VPS35L: variants seen among roughly 807,000 people sequenced by gnomAD.
The protein encoded by VPS35L is VPS35 endosomal protein-sorting factor-like.
A neutral mutation model predicts 133.0 loss-of-function variants in VPS35L; 83 were observed. The ratio of observed to expected loss-of-function variants is 0.62; its 90% CI spans 0.52 to 0.75. The LOEUF (loss-of-function observed/expected upper bound fraction) is 0.75. VPS35L is among the 30% of genes least tolerant of loss of function. VPS35L has a pLI of 0.00. For missense variants in VPS35L, 1,083 were observed against 1,206.8 expected (o/e 0.90, Z 1.52); for synonymous variants, 423 against 449.9 (o/e 0.94, Z 0.76).
chr16:19,679,795 G>A (rs1246318009), intron 27 of VPS35L, among the ~76,000 whole-genome samples: 5 of 152,190 alleles, frequency 3.3e-5, no homozygotes, highest in South Asian at 2.1e-4. Context: ...GTGAGCCACC[G>A]CTATCTAGCC....
intron 27 of VPS35L, among the ~76,000 whole-genome samples, chr16:19,678,524 C>G (rs1975141934): frequency 6.6e-6 from 1 of 151,014 alleles, no homozygotes; most frequent in South Asian, 2.1e-4. Flanking sequence ...GTTGCCCAGG[C>G]TGGAGCGCAG....
At chr16:19,641,964 CT>C (rs1973802093) in intron 21 of VPS35L, among the ~76,000 whole-genome samples, 1 of 152,210 alleles carries the variant, frequency 6.6e-6, no homozygotes, top group African/African-American at 2.4e-5. Flanking sequence ...AATCCCAATA[CT>C]TTGGGAGGCT....
intron 29 of VPS35L, among the ~76,000 whole-genome samples, chr16:19,692,774 G>A (rs905019181): frequency 3.3e-5 from 5 of 152,122 alleles, no homozygotes; most frequent in Admixed American, 2.6e-4. Flanking sequence ...TATTAGCCAG[G>A]CTGGTCTCGA....
chr16:19,592,337 C>G (rs1019626808), intron 8 of VPS35L, among the ~76,000 whole-genome samples: 5 of 151,864 alleles, frequency 3.3e-5, no homozygotes, highest in African/African-American at 1.2e-4. Context: ...GCCTTAGCCT[C>G]CCAAAGTGCT....
intron 8 of VPS35L, among the ~76,000 whole-genome samples, chr16:19,598,328 T>C (rs535384043): frequency 6.6e-6 from 1 of 152,364 alleles, no homozygotes; most frequent in South Asian, 2.1e-4. Flanking sequence ...GTTACCACTG[T>C]TATTATTTAT....
intron 3 of VPS35L, among the ~76,000 whole-genome samples, chr16:19,569,889 G>A (rs1400351731): frequency 6.6e-6 from 1 of 151,984 alleles, no homozygotes; most frequent in Non-Finnish European, 1.5e-5. Context: ...GGGTGGTCTT[G>A]TACTCCAAGC....
chr16:19,565,007 A>C (rs1445244239), intron 2 of VPS35L, 57 bp downstream of exon 2: 4 of 1,354,368 alleles, frequency 3.0e-6, no homozygotes, highest in Non-Finnish European at 4.2e-6. Flanking sequence ...AATGAAAGAC[A>C]ATCTTCCTGA....
intron 26 of VPS35L, among the ~76,000 whole-genome samples, chr16:19,666,349 T>C (rs1974663417): frequency 6.6e-6 from 1 of 152,196 alleles, no homozygotes; most frequent in South Asian, 2.1e-4. Context: ...TCTTAATAGC[T>C]ACAAAACAAA....
intron 8 of VPS35L, among the ~76,000 whole-genome samples, chr16:19,595,622 G>T (rs1208057237): frequency 6.6e-6 from 1 of 152,130 alleles, no homozygotes; most frequent in Non-Finnish European, 1.5e-5. Context: ...GCTCTATCCT[G>T]CAAGCCTGGC....
Position 19,564,951 on chromosome 16 carries a change from G to A in VPS35L, c.117+1G>A. On this transcript the variant is annotated splice_donor_variant, in intron 2 of 30. Transcript: ENST00000417362. LOFTEE classifies it high-confidence loss of function. ...CTATCACCCTCTGAAACCCATAACT[G>A]TAAGTTTTGTTAAGGGTCTTTCTGA... is the stretch of plus-strand genomic sequence containing the variant. 1 of 1,588,216 alleles carries A rather than the reference G, an allele frequency of 6.3e-7. No individual in the cohort carries two copies. Among genetic ancestry groups the A allele is most frequent in the Non-Finnish European group, 8.6e-7 (1 of 1,157,188 alleles).
At chr16:19,630,314 C>T (rs1410111456) in intron 18 of VPS35L, among the ~76,000 whole-genome samples, 1 of 147,274 alleles carries the variant, frequency 6.8e-6, no homozygotes, top group East Asian at 2.0e-4. Context: ...TTATTTTAAT[C>T]AAGTCCTAAA....
rs780156594 is a variant in VPS35L at position 19,699,495 on chromosome 16, G to C, written c.2647-7G>C. ...TGCAAGGCAGTAACCTCCCTTTTCT[G>C]TTTCAGGCCCTGAAGCGCCAGAGCT... is the stretch of plus-strand genomic sequence containing the variant. On this transcript the variant is annotated splice_region_variant and splice_polypyrimidine_tract_variant and intron_variant, in intron 29 of 30. Transcript: ENST00000417362. The surrounding 1 kb of genome is among the most constrained non-coding windows in gnomAD (Gnocchi z 4.2). The C allele has an allele frequency of 3.1e-6, 5 of 1,613,976 alleles. No individual in the cohort carries two copies. The East Asian group carries it at 1.1e-4, about 36-fold the overall frequency.
chr16:19,669,673 C>CT lies in VPS35L; in HGVS notation c.2361+388dup, dbSNP rs201351902. 3.7e-3 allele frequency among the ~76,000 whole-genome samples: 535 copies of CT among 145,556 alleles called. 1 individual carries two copies. Among genetic ancestry groups the CT allele is most frequent in the African/African-American group, 8.2e-3 (325 of 39,502 alleles). On this transcript the variant is annotated intron_variant, in intron 27 of 30. Transcript: ENST00000417362. ...CCATCTTCTCTCTCTTTCTGTCTCT[C>CT]TTTTTTTTTTTTTTGAGATGGAGTT...
chr16:19,674,881 C>T (rs114826883), intron 27 of VPS35L, among the ~76,000 whole-genome samples: 1,764 of 152,158 alleles, frequency 0.012, 32 homozygotes, highest in African/African-American at 0.041. Flanking sequence ...TTACATATGG[C>T]AGAATTTCCT....
chr16:19,599,886 A>C (rs748286515), intron 8 of VPS35L, among the ~76,000 whole-genome samples: 4 of 152,090 alleles, frequency 2.6e-5, no homozygotes, highest in African/African-American at 4.8e-5. Flanking sequence ...CTCTACAAAA[A>C]AATAATTAGC....
chr16:19,687,976 C>T (rs1474732309), intron 28 of VPS35L, among the ~76,000 whole-genome samples: 2 of 152,110 alleles, frequency 1.3e-5, no homozygotes, highest in African/African-American at 2.4e-5. Context: ...GCCCTGCCTG[C>T]AGTGCAGTGG....
chr16:19,575,561 TA>T (rs376319436), intron 5 of VPS35L, among the ~76,000 whole-genome samples: 12,184 of 126,310 alleles, frequency 0.096, 627 homozygotes, highest in East Asian at 0.22. Flanking sequence ...AATGCCGTCT[TA>T]AAAAAAAAAA....
rs1293233927 is a variant in VPS35L, at chr16:19,691,463, A to T, written c.2638A>T (p.Lys880Ter). ...QILEHLKTLA[K>*]DEALKRQSSL... ...CCTAGAGCATCTGAAAACCCTGGCC[A>T]AGGACGAGGTGGGTGCCCTCTGCTG... Residue 880 changes from lysine (K) to a stop codon, truncating the protein, a stop_gained, in exon 29 of 31, where the codon AAG becomes TAG. Coordinates refer to ENST00000417362, the MANE Select transcript of VPS35L (RefSeq NM_020314.7). LOFTEE classifies it high-confidence loss of function. 6.2e-7 allele frequency: 1 copy of T among 1,613,178 alleles called. No individual in the cohort carries two copies. Among genetic ancestry groups the T allele is most frequent in the Non-Finnish European group, 8.5e-7 (1 of 1,179,292 alleles).
chr16:19,577,647 G>A (rs536516908), intron 5 of VPS35L, among the ~76,000 whole-genome samples: 7 of 152,160 alleles, frequency 4.6e-5, no homozygotes, highest in Non-Finnish European at 7.4e-5. Context: ...CCCCTGCCCC[G>A]ATTCATATGT....
Sources: gnomAD v4.1 joint callset for allele counts (sites outside exome capture counted in the v4.1 genomes callset) on GRCh38, gnomAD v4.1.1 for gene constraint, Gnocchi (gnomAD v3.1) non-coding constraint, MANE v1.5 for transcripts, NCBI Gene and HGNC (gene_info 2026-07-23, HGNC 2026-07-21) for gene names.